Variants in SND1 observed in about 807,000 individuals in gnomAD.
SND1 encodes staphylococcal nuclease domain-containing protein 1.
In SND1, 38 loss-of-function variants were observed where a neutral mutation model predicts 121.7. That is an observed-to-expected ratio of 0.31 (90% confidence interval 0.24 to 0.41). The LOEUF (loss-of-function observed/expected upper bound fraction) is 0.41, where lower values mean the gene tolerates loss of function less well. SND1 is among the 10% of genes least tolerant of loss of function. The pLI is 1.00. For synonymous variants in SND1, 401 were observed against 447.4 expected (o/e 0.90, Z 1.31); for missense variants, 868 against 1,184.6 (o/e 0.73, Z 3.92).
chr7:128,070,743 A>G (rs1793396644), intron 16 of SND1, among the ~76,000 whole-genome samples: 1 of 152,176 alleles, frequency 6.6e-6, no homozygotes, highest in Non-Finnish European at 1.5e-5. Context: ...AGTTTGAGGC[A>G]ACTTGTGGGA....
At chr7:128,032,822 C>G (rs1466240671) in intron 16 of SND1, among the ~76,000 whole-genome samples, 1 of 152,180 alleles carries the variant, frequency 6.6e-6, no homozygotes, top group Non-Finnish European at 1.5e-5. Flanking sequence ...CCCTCCTGTG[C>G]TCTCACTGGG....
chr7:127,836,849 G>C (rs1026835273), intron 11 of SND1, among the ~76,000 whole-genome samples: 3 of 152,108 alleles, frequency 2.0e-5, no homozygotes, highest in Non-Finnish European at 4.4e-5. Flanking sequence ...ATAAAATTCA[G>C]CTATTGAATT....
chr7:128,044,929 T>C (rs1199736188), intron 16 of SND1, among the ~76,000 whole-genome samples: 4 of 152,148 alleles, frequency 2.6e-5, no homozygotes, highest in African/African-American at 9.7e-5. Flanking sequence ...TTTTTGCAAA[T>C]CCATTTGTGT....
intron 11 of SND1, among the ~76,000 whole-genome samples, chr7:127,809,683 G>T (rs1415784628): frequency 6.6e-6 from 1 of 152,198 alleles, no homozygotes; most frequent in African/African-American, 2.4e-5. Context: ...GCTTAAGAAA[G>T]ATAATGGAGG....
chr7:127,655,765 C>A (rs1275384021), intron 1 of SND1, among the ~76,000 whole-genome samples: 1 of 152,144 alleles, frequency 6.6e-6, no homozygotes, highest in Admixed American at 6.5e-5. Context: ...TTGAGTCACC[C>A]CCCTTAGCTT....
chr7:127,978,056 G>C (rs1317751566), intron 15 of SND1, among the ~76,000 whole-genome samples: 5 of 152,180 alleles, frequency 3.3e-5, no homozygotes, highest in African/African-American at 4.8e-5. Context: ...ATTGGGTATA[G>C]AGCCAGGATT....
intron 15 of SND1, among the ~76,000 whole-genome samples, chr7:127,946,108 A>G (rs1405193902): frequency 3.9e-5 from 6 of 152,234 alleles, no homozygotes; most frequent in Non-Finnish European, 8.8e-5. Flanking sequence ...TAAGAATGGG[A>G]CAGTGGCAGT....
chr7:127,695,077 T>C, intron 3 of SND1, 129 bp downstream of exon 3: 1 of 1,088,168 alleles, frequency 9.2e-7, no homozygotes, highest in Non-Finnish European at 1.3e-6. Context: ...AAGGCATAAA[T>C]GCAAATGCTT....
At chr7:127,953,150 CCG>C (rs1801500359) in intron 15 of SND1, among the ~76,000 whole-genome samples, 1 of 110,094 alleles carries the variant, frequency 9.1e-6, no homozygotes, top group Non-Finnish European at 1.9e-5. Context: ...GGTGACAAGA[CCG>C]TGTGTGTGTG....
intron 14 of SND1, among the ~76,000 whole-genome samples, chr7:127,907,699 A>C (rs1340415338): frequency 6.6e-6 from 1 of 152,094 alleles, no homozygotes; most frequent in Non-Finnish European, 1.5e-5. Flanking sequence ...TCTCCTAAAC[A>C]CTCTTAAGAA....
chr7:128,032,519 G>A (rs1010798822), intron 16 of SND1, among the ~76,000 whole-genome samples: 6 of 151,174 alleles, frequency 4.0e-5, no homozygotes, highest in African/African-American at 1.2e-4. Flanking sequence ...TGCGGCGGGA[G>A]AGCCCGCGCC....
chr7:127,752,559 A>C (rs984753730), intron 10 of SND1, among the ~76,000 whole-genome samples: 11 of 152,220 alleles, frequency 7.2e-5, no homozygotes, highest in African/African-American at 1.2e-4. Context: ...GAATTTAAAA[A>C]GTATAATGCA....
chr7:127,767,810 T>C (rs985707060), intron 10 of SND1, among the ~76,000 whole-genome samples: 1 of 152,220 alleles, frequency 6.6e-6, no homozygotes, highest in Non-Finnish European at 1.5e-5. Context: ...TATAATCTTA[T>C]ATAGATACAT....
intron 10 of SND1, among the ~76,000 whole-genome samples, chr7:127,781,966 C>T (rs1301872214): frequency 6.6e-6 from 1 of 152,122 alleles, no homozygotes; most frequent in African/African-American, 2.4e-5. Context: ...AGACAACATC[C>T]CATAAAATTT....
At position 128,085,101 on chromosome 7, in the gene SND1, TGCTG is replaced by T. The variant is rs1019775638; in HGVS notation, c.2234+269_2234+272del. Reference sequence around the variant, plus strand: ...TGGGGGATTCCAGGGTGGGAGCCCTTGCTGGCTGGCTGGCTGGCCGGCCGGCCAG... The same window carrying T: ...TGGGGGATTCCAGGGTGGGAGCCCTTGCTGGCTGGCTGGCCGGCCGGCCAG... On this transcript the variant is annotated intron_variant, in intron 19 of 23. Coordinates refer to ENST00000354725, the MANE Select transcript of SND1 (RefSeq NM_014390.4). This position sits in a 1 kb window ranked among gnomAD's most constrained non-coding sequence, Gnocchi z 4.4. 6.6e-6 allele frequency among the ~76,000 whole-genome samples: 1 copy of T among 152,082 alleles called. No homozygotes were observed. The highest frequency in any genetic ancestry group is 1.5e-5 in the Non-Finnish European group (1 of 67,978).
intron 13 of SND1, among the ~76,000 whole-genome samples, chr7:127,893,500 CTT>C (rs1475471928): frequency 6.6e-6 from 1 of 152,040 alleles, no homozygotes; most frequent in Non-Finnish European, 1.5e-5. Flanking sequence ...TTTAAGGTAT[CTT>C]TTAATTCTAA....
intron 16 of SND1, among the ~76,000 whole-genome samples, chr7:128,033,601 C>A (rs1433237110): frequency 6.6e-6 from 1 of 152,214 alleles, no homozygotes; most frequent in African/African-American, 2.4e-5. Flanking sequence ...TACTTGAAGT[C>A]CTGGAAACGG....
At chr7:127,851,114 G>A (rs568210743) in intron 12 of SND1, among the ~76,000 whole-genome samples, 126 of 152,278 alleles carry the variant, frequency 8.3e-4, no homozygotes, top group African/African-American at 3.0e-3. Flanking sequence ...TTTCTAGATG[G>A]AAGTTCAATT....
At chr7:127,772,058 G>A (rs1475955951) in intron 10 of SND1, among the ~76,000 whole-genome samples, 3 of 152,114 alleles carry the variant, frequency 2.0e-5, no homozygotes, top group East Asian at 1.9e-4. Flanking sequence ...TAAATGCATC[G>A]GTAGCATAGT....
Sources: allele counts gnomAD v4.1 joint callset (sites outside exome capture counted in the v4.1 genomes callset), GRCh38; gene constraint gnomAD v4.1.1; non-coding constraint Gnocchi (gnomAD v3.1); transcripts MANE v1.5; gene names NCBI Gene and HGNC (gene_info 2026-07-23, HGNC 2026-07-21).